Variants in LYZL1 observed in about 807,000 individuals in gnomAD.
LYZL1 encodes lysozyme-like protein 1.
In LYZL1, 16 loss-of-function variants were observed where a neutral mutation model predicts 17.9. That is an observed-to-expected ratio of 0.90 (90% CI 0.61 to 1.36). The LOEUF (loss-of-function observed/expected upper bound fraction) is 1.36. Among genes scored for constraint, LYZL1 ranks in the 40% most tolerant of loss-of-function variants. The probability of loss-of-function intolerance (pLI) is 0.00; values close to 1 mark genes in which losing one functional copy is unlikely to be tolerated. For synonymous variants in LYZL1, 58 were observed against 71.8 expected (o/e 0.81, Z 0.97); for missense variants, 149 against 188.4 (o/e 0.79, Z 1.22).
In LYZL1 at chr10:29,291,982, T is replaced by C; in HGVS notation, c.115T>C (p.Tyr39His). 1 of 1,524,500 alleles carries C rather than the reference T, an allele frequency of 6.6e-7. No homozygotes were observed. The allele number at this position is 1,524,500 out of a possible 1,614,324, so 94.4% of individuals were successfully genotyped here. A position where few individuals can be genotyped will look rare whatever the true frequency, so the allele number is the denominator to read the frequency against. ...KIFSRAGLDNYWGFSLGNWIC... is the reference protein window; with the variant it reads ...KIFSRAGLDNHWGFSLGNWIC... ...ATTCTCGAGGGCTGGCCTGGACAAT[T>C]ACTGGGGCTTCAGCCTTGGAAACTG... The change falls in exon 2 of 5, where the codon TAC becomes CAC. Residue 39 changes from tyrosine to histidine, a missense_variant. Physicochemically the swap from Tyr to His is moderately conservative, Grantham distance 83 (BLOSUM62 2). This residue lies in a region of LYZL1 where 19 missense variants were observed against 55.9 expected (regional missense o/e 0.34). Transcript: ENST00000649382.
At chr10:29,311,607 T>C (rs1179076372), downstream of LYZL1, among the ~76,000 whole-genome samples, 1 of 152,216 alleles carries the variant, frequency 6.6e-6, no homozygotes, top group Admixed American at 6.5e-5. Context: ...ATTGAAATTC[T>C]CATAAAAGTT....
intron 3 of LYZL1, among the ~76,000 whole-genome samples, chr10:29,316,280 T>C (rs973014477): frequency 2.0e-5 from 3 of 152,116 alleles, no homozygotes; most frequent in African/African-American, 7.2e-5. Context: ...TGCAGGGAAA[T>C]AGAACAGGGG....
intron 4 of LYZL1, chr10:29,318,103 T>C (rs962440729): frequency 1.1e-6 from 1 of 948,092 alleles, no homozygotes; most frequent in Admixed American, 6.2e-5. Context: ...AAGGTGCAGA[T>C]AGTGGCTGAA....
intron 3 of LYZL1, among the ~76,000 whole-genome samples, chr10:29,304,417 G>A (rs138547106): frequency 6.6e-6 from 1 of 152,156 alleles, no homozygotes; most frequent in Admixed American, 6.5e-5. Context: ...ACAGGGGAAA[G>A]AGATGAACAT....
intron 4 of LYZL1, among the ~76,000 whole-genome samples, chr10:29,310,722 C>T (rs577668232): frequency 4.6e-5 from 7 of 152,220 alleles, no homozygotes; most frequent in African/African-American, 9.6e-5. Flanking sequence ...TCAGAGAACC[C>T]GAATTTTCAC....
chr10:29,306,707 CATG>C (rs1018051665), intron 3 of LYZL1, among the ~76,000 whole-genome samples: 8 of 150,782 alleles, frequency 5.3e-5, no homozygotes, highest in Non-Finnish European at 8.8e-5. Context: ...AAGTAAATAA[CATG>C]ATAATTTTAT....
chr10:29,312,212 A>C (rs1835681824), downstream of LYZL1, among the ~76,000 whole-genome samples: 1 of 152,146 alleles, frequency 6.6e-6, no homozygotes, highest in African/African-American at 2.4e-5. Flanking sequence ...GTCCAAACAG[A>C]TAAAATTGTA....
rs368971600 is a variant in LYZL1, at chr10:29,291,407, C to T, written c.-25-436C>T. Among the ~76,000 whole-genome samples the T allele has an allele frequency of 6.6e-5, 10 of 151,596 alleles. No homozygotes were observed. In the East Asian group the frequency reaches 7.8e-4, roughly 12 times the overall value. ...AGAGGAGGGGTTGGTCTTGCTGTCT[C>T]GGGGTGGCAGAGGCAGAAGAAAATT... On this transcript the variant is annotated intron_variant, in intron 1 of 4. Transcript: ENST00000649382.
intron 1 of LYZL1, among the ~76,000 whole-genome samples, chr10:29,290,070 G>A (rs1835341054): frequency 6.6e-6 from 1 of 152,122 alleles, no homozygotes; most frequent in Non-Finnish European, 1.5e-5. Flanking sequence ...ACTTGGTGCG[G>A]TGGCCTTGCT....
In LYZL1 at chr10:29,292,683, G is replaced by T; in HGVS notation, c.298+6G>T. 1 of 1,609,786 alleles carries T rather than the reference G, an allele frequency of 6.2e-7. No homozygotes were observed. Among genetic ancestry groups the T allele is most frequent in the Non-Finnish European group, 8.5e-7 (1 of 1,177,598 alleles). On this transcript the variant is annotated splice_donor_region_variant and intron_variant, in intron 3 of 4. Transcript: ENST00000649382. The stretch of plus-strand genomic sequence containing the variant: ...CTGCCATGTCGCCTGCTCAGGTGAG[G>T]CTCTGACTTTCCAGTGATGCCATCC...
At chr10:29,306,171 G>A (rs1285512813) in intron 3 of LYZL1, among the ~76,000 whole-genome samples, 3 of 152,070 alleles carry the variant, frequency 2.0e-5, no homozygotes, top group Non-Finnish European at 4.4e-5. Flanking sequence ...TTTCCGTGAT[G>A]ATGAAAATGT....
At chr10:29,293,210 G>A (rs1835401203) in intron 3 of LYZL1, among the ~76,000 whole-genome samples, 1 of 124,010 alleles carries the variant, frequency 8.1e-6, no homozygotes, top group African/African-American at 3.0e-5. Flanking sequence ...ATAGCTCATT[G>A]CAGTCTTGAC....
At position 29,306,839 on chromosome 10, in the gene LYZL1, T is replaced by TGAGAGA. The variant is rs146929957; in HGVS notation, c.299-3248_299-3243dup. On this transcript the variant is annotated intron_variant, in intron 3 of 4. Transcript: ENST00000649382. The stretch of plus-strand genomic sequence containing the variant: ...GTGTGTGTGTGTGTGTGAAAGAGAT[T>TGAGAGA]GAGAGAGAGAGAGAGAGAGAGAGAG... Among the ~76,000 whole-genome samples the TGAGAGA allele has an allele frequency of 2.5e-3, 353 of 139,088 alleles. 2 individuals are homozygous for TGAGAGA. Among genetic ancestry groups the TGAGAGA allele is most frequent in the African/African-American group, 8.6e-3 (319 of 37,200 alleles). The allele number at this position is 139,088 out of a possible 152,430, so 91.2% of individuals were successfully genotyped here.
chr10:29,306,848 G>C (rs1835603514), intron 3 of LYZL1, among the ~76,000 whole-genome samples: 1 of 143,848 alleles, frequency 7.0e-6, no homozygotes, highest in Non-Finnish European at 1.5e-5. Context: ...TTGAGAGAGA[G>C]AGAGAGAGAG....
intron 4 of LYZL1, among the ~76,000 whole-genome samples, chr10:29,310,774 T>C (rs1255552911): frequency 6.6e-6 from 1 of 152,214 alleles, no homozygotes; most frequent in Admixed American, 6.5e-5. Flanking sequence ...TTACAAAAGT[T>C]GATTGCTTGT....
chr10:29,290,642 G>A (rs1307628303), intron 1 of LYZL1, among the ~76,000 whole-genome samples: 1 of 152,120 alleles, frequency 6.6e-6, no homozygotes, highest in Non-Finnish European at 1.5e-5. Flanking sequence ...AGTTTGAAAT[G>A]AGCCTGACCA....
downstream of LYZL1, among the ~76,000 whole-genome samples, chr10:29,314,558 G>A (rs913097234): frequency 9.9e-5 from 15 of 152,092 alleles, no homozygotes; most frequent in African/African-American, 3.6e-4. Context: ...AGGCTTCAGT[G>A]AACTATGAAC....
chr10:29,301,077 C>T (rs943448055), intron 3 of LYZL1, among the ~76,000 whole-genome samples: 1 of 151,906 alleles, frequency 6.6e-6, no homozygotes, highest in Admixed American at 6.6e-5. Flanking sequence ...CCCATAATTC[C>T]CATGTGTTGT....
At chr10:29,316,405 T>A (rs143830917) in intron 3 of LYZL1, among the ~76,000 whole-genome samples, 1 of 152,086 alleles carries the variant, frequency 6.6e-6, no homozygotes, top group Non-Finnish European at 1.5e-5. Context: ...ATGAAGAGAG[T>A]CTTGCTGGAG....
Sources: allele counts gnomAD v4.1 joint callset (sites outside exome capture counted in the v4.1 genomes callset), GRCh38; gene constraint gnomAD v4.1.1; regional missense constraint gnomAD v4.1.1; transcripts MANE v1.5; gene names NCBI Gene and HGNC (gene_info 2026-07-23, HGNC 2026-07-21).